ATM: variants seen among roughly 807,000 people sequenced by gnomAD.
ATM encodes serine-protein kinase ATM.
ATM carries 308 observed loss-of-function variants against 387.0 expected under a neutral mutation model. That is an observed-to-expected ratio of 0.80 (90% CI 0.73 to 0.87). ATM has a LOEUF of 0.87. Ranked by LOEUF, ATM falls within the 40% of genes least tolerant of loss-of-function variation. The pLI is 0.00. For synonymous variants in ATM, 1,156 were observed against 1,187.3 expected (o/e 0.97, Z 0.54); for missense variants, 3,312 against 3,560.9 (o/e 0.93, Z 1.78).
At chr11:108,259,121 C>T (rs866962578) in intron 16 of ATM, 46 bp downstream of exon 16, 10 of 1,469,664 alleles carry the variant, frequency 6.8e-6, no homozygotes, top group Non-Finnish European at 9.5e-6. Flanking sequence ...TTCTAATAGG[C>T]ATAATTTTTT....
chr11:108,252,068 G>T (rs1312643150), intron 11 of ATM, 37 bp downstream of exon 11: 2 of 1,578,882 alleles, frequency 1.3e-6, no homozygotes, highest in Non-Finnish European at 1.7e-6. Context: ...TGTTTTTTTT[G>T]TTTGTTTTAT....
intron 22 of ATM, among the ~76,000 whole-genome samples, chr11:108,276,895 G>T (rs906604349): frequency 2.6e-5 from 4 of 152,186 alleles, no homozygotes. Context: ...CGAGCGCTGT[G>T]CTGGGAGATC....
chr11:108,324,582 TG>T (rs1227164854), intron 45 of ATM, among the ~76,000 whole-genome samples: 1 of 152,142 alleles, frequency 6.6e-6, no homozygotes, highest in Non-Finnish European at 1.5e-5. Context: ...ATTGAAGTTT[TG>T]GTTCCTAGCA....
At chr11:108,259,620 T>G (rs1392292478) in intron 16 of ATM, among the ~76,000 whole-genome samples, 4 of 152,208 alleles carry the variant, frequency 2.6e-5, no homozygotes, top group Admixed American at 6.5e-5. Flanking sequence ...CAATAAATAA[T>G]ACATTTAAAA....
chr11:108,251,264 A>G (rs1446032631), intron 10 of ATM, among the ~76,000 whole-genome samples, 192 bp downstream of exon 10: 2 of 152,252 alleles, frequency 1.3e-5, no homozygotes, highest in African/African-American at 2.4e-5. Flanking sequence ...ATGTTGACAA[A>G]TTATTAAAGA....
At chr11:108,293,929 A>G (rs937687718) in intron 31 of ATM, among the ~76,000 whole-genome samples, 9 of 136,072 alleles carry the variant, frequency 6.6e-5, no homozygotes, top group South Asian at 5.0e-4. Flanking sequence ...ATGTGTGTGT[A>G]TATAAACACA....
At chr11:108,355,023 G>C in intron 61 of ATM, 149 bp downstream of exon 61, 2 of 680,948 alleles carry the variant, frequency 2.9e-6, no homozygotes, top group Non-Finnish European at 5.1e-6. Flanking sequence ...TGTGCACTTA[G>C]CCTTTTCACA....
At position 108,274,711 on chromosome 11, in the gene ATM, T is replaced by G. The variant is rs151286345; in HGVS notation, c.3284+1859T>G. Among the ~76,000 whole-genome samples the G allele has an allele frequency of 8.1e-3, 1,228 of 152,346 alleles. 8 individuals carry two copies. Among genetic ancestry groups the G allele is most frequent in the African/African-American group, 0.025 (1,052 of 41,590 alleles). ...AGTTTCTTAATCCTCAGTTCTAATT[T>G]GATTGCACTGTGATCTGAGAGACTG... On this transcript the variant is annotated intron_variant, in intron 22 of 62. Coordinates refer to ENST00000675843, the MANE Select transcript of ATM (RefSeq NM_000051.4).
intron 22 of ATM, among the ~76,000 whole-genome samples, chr11:108,277,016 A>G (rs1407836624): frequency 1.3e-5 from 2 of 152,066 alleles, no homozygotes; most frequent in South Asian, 2.1e-4. Context: ...AATTTTATCT[A>G]TAAGCTCCTG....
chr11:108,233,569 CAAAA>C (rs531411723), intron 4 of ATM, among the ~76,000 whole-genome samples: 1 of 50,916 alleles, frequency 2.0e-5, no homozygotes, highest in African/African-American at 7.1e-5. Flanking sequence ...ATCCTGTGTC[CAAAA>C]AAAAAAAAAA....
chr11:108,239,536 T>A (rs1412007934), intron 5 of ATM, among the ~76,000 whole-genome samples: 1 of 152,196 alleles, frequency 6.6e-6, no homozygotes, highest in Non-Finnish European at 1.5e-5. Flanking sequence ...TTTTGTTAAT[T>A]CATTCGTCCA....
chr11:108,361,645 A>T (rs1319391870), intron 61 of ATM, among the ~76,000 whole-genome samples: 1 of 151,786 alleles, frequency 6.6e-6, no homozygotes, highest in African/African-American at 2.4e-5. Context: ...ATAACGCCGC[A>T]TGTCTACAAC....
intron 59 of ATM, among the ~76,000 whole-genome samples, chr11:108,351,576 CAT>C (rs2089202121): frequency 6.6e-6 from 1 of 152,194 alleles, no homozygotes; most frequent in Admixed American, 6.5e-5. Flanking sequence ...GGCCAGAGTT[CAT>C]GATTGCTTCT....
At chr11:108,275,094 T>G (rs113969464) in intron 22 of ATM, among the ~76,000 whole-genome samples, 3,989 of 152,294 alleles carry the variant, frequency 0.026, 184 homozygotes, top group African/African-American at 0.091. Flanking sequence ...CACTTCTTGT[T>G]GCATTGATCC....
At chr11:108,237,191 CT>C (rs535461723) in intron 5 of ATM, among the ~76,000 whole-genome samples, 14 of 152,138 alleles carry the variant, frequency 9.2e-5, no homozygotes, top group Non-Finnish European at 1.6e-4. Flanking sequence ...CATTTGTAGC[CT>C]TTACGTTACT....
chr11:108,243,398 A>G (rs958159456), intron 5 of ATM, among the ~76,000 whole-genome samples: 5 of 152,122 alleles, frequency 3.3e-5, no homozygotes, highest in African/African-American at 9.7e-5. Context: ...AGATCACTTG[A>G]GGCCAGGAGT....
chr11:108,302,840 CCTTT>C lies in ATM; in HGVS notation c.5320-6_5320-3del, dbSNP rs864622386. The stretch of plus-strand genomic sequence containing the variant: ...CTTCTCTTATTTACATTTTCTAATC[CCTTT>C]CTTTCTAGTTTTTAGAAGTACCCAG... On this transcript the variant is annotated splice_polypyrimidine_tract_variant and intron_variant, in intron 35 of 62. Transcript: ENST00000675843. The C allele has an allele frequency of 3.1e-6, 5 of 1,600,060 alleles. No individual in the cohort carries two copies. Among genetic ancestry groups the C allele is most frequent in the Admixed American group, 1.7e-5 (1 of 59,862 alleles).
rs12281623 is a variant in ATM at position 108,299,438 on chromosome 11, C to T, written c.5006-276C>T. 134 of 347,130 alleles carry T rather than the reference C, an allele frequency of 3.9e-4. 1 individual carries two copies. Among genetic ancestry groups the T allele is most frequent in the South Asian group, 2.9e-3 (120 of 41,018 alleles). The allele number at this position is 347,130 out of a possible 1,614,324, so 21.5% of individuals were successfully genotyped here. A position where few individuals can be genotyped will look rare whatever the true frequency, so the allele number is the denominator to read the frequency against. On this transcript the variant is annotated intron_variant, in intron 33 of 62. Transcript: ENST00000675843. ...TCAGCCTCCTGAGTAGCTGGGATTACGGGCCTGCGCCACCACGCCTGGCTA... is the reference window on the plus strand; with the variant it reads ...TCAGCCTCCTGAGTAGCTGGGATTATGGGCCTGCGCCACCACGCCTGGCTA...
chr11:108,272,972 G>A (rs2081682956), intron 22 of ATM, 120 bp downstream of exon 22: 4 of 1,239,026 alleles, frequency 3.2e-6, no homozygotes, highest in Admixed American at 1.7e-5. Context: ...AGTATATACG[G>A]TGTGCCTGGC....
Sources: allele counts gnomAD v4.1 joint callset (sites outside exome capture counted in the v4.1 genomes callset), GRCh38; gene constraint gnomAD v4.1.1; transcripts MANE v1.5; gene names NCBI Gene and HGNC (gene_info 2026-07-23, HGNC 2026-07-21).